Variants in TMEM131 observed in about 807,000 individuals in gnomAD.
TMEM131 encodes transmembrane protein 131, also known as 2610524E03Rik.
TMEM131 carries 66 observed loss-of-function variants against 211.6 expected under a neutral mutation model. That is an observed-to-expected ratio of 0.31 (90% CI 0.26 to 0.38). The LOEUF (loss-of-function observed/expected upper bound fraction) is 0.38, where lower values mean the gene tolerates loss of function less well. TMEM131 is among the 10% of genes least tolerant of loss of function. The probability of loss-of-function intolerance (pLI) is 1.00; values close to 1 mark genes in which losing one functional copy is unlikely to be tolerated. For synonymous variants in TMEM131, 844 were observed against 841.3 expected, an observed-to-expected ratio of 1.00 and a Z score of -0.06; for missense variants, 2,036 against 2,299.3, an observed-to-expected ratio of 0.89 and a Z score of 2.34.
At chr2:97,760,407 C>A in intron 38 of TMEM131, 186 bp downstream of exon 38, 1 of 618,712 alleles carries the variant, frequency 1.6e-6, no homozygotes, top group Admixed American at 2.8e-5. Context: ...CTGGGGAAGG[C>A]ACCGCAGCCG....
rs1006637286 is a variant in TMEM131, at chr2:97,930,003, A to G, written c.188-2516T>C. Among the ~76,000 whole-genome samples, 6 of 151,856 alleles carry G rather than the reference A, an allele frequency of 4.0e-5. 1 individual carries two copies. Among genetic ancestry groups the G allele is most frequent in the African/African-American group, 1.5e-4 (6 of 41,100 alleles). On this transcript the variant is annotated intron_variant, in intron 1 of 40. Coordinates refer to ENST00000186436, the MANE Select transcript of TMEM131 (RefSeq NM_015348.2). Reference sequence around the variant, plus strand: ...ACTATGAATATAAAAGGCTCTGCTCAGCTCACCCATCCCATTCCTCACCTG... The same window carrying G: ...ACTATGAATATAAAAGGCTCTGCTCGGCTCACCCATCCCATTCCTCACCTG...
intron 4 of TMEM131, among the ~76,000 whole-genome samples, chr2:97,874,866 A>G (rs1674628867): frequency 1.3e-5 from 2 of 152,240 alleles, no homozygotes; most frequent in Non-Finnish European, 2.9e-5. Context: ...ATTTACACAT[A>G]ACAATATTAA....
chr2:97,993,684 A>G (rs953063566), intron 1 of TMEM131, among the ~76,000 whole-genome samples: 6 of 152,212 alleles, frequency 3.9e-5, no homozygotes, highest in Non-Finnish European at 8.8e-5. Flanking sequence ...CCTTTAATAC[A>G]TACTTAACAC....
intron 1 of TMEM131, 58 bp from the exon 2 acceptor site, chr2:97,927,545 C>T: frequency 1.5e-6 from 2 of 1,356,700 alleles, no homozygotes; most frequent in East Asian, 2.6e-5. Context: ...ATTTTCATAA[C>T]ATCTTTGACT....
In TMEM131 at chr2:97,888,207, T is replaced by C. The variant is rs536937132; in HGVS notation, c.291-87A>G. The C allele has an allele frequency of 1.7e-5, 19 of 1,120,470 alleles. No homozygotes were observed. In the East Asian group the frequency reaches 4.6e-4, roughly 27 times the overall value. 69.4% of individuals were successfully genotyped at this position (1,120,470 alleles called of 1,614,324 possible). On this transcript the variant is annotated intron_variant, in intron 3 of 40. Transcript: ENST00000186436. Reference sequence around the variant, plus strand: ...CTATTCAGACAGCTGACTTTTGTCATAACAATGCCATTTTAAGAAAAATTG... The same window carrying C: ...CTATTCAGACAGCTGACTTTTGTCACAACAATGCCATTTTAAGAAAAATTG...
At chr2:97,888,146 A>G in intron 3 of TMEM131, 26 bp from the exon 4 acceptor site, 1 of 1,585,432 alleles carries the variant, frequency 6.3e-7, no homozygotes, top group Non-Finnish European at 8.6e-7. Flanking sequence ...AAACAACATA[A>G]GAAGCAATTC....
chr2:97,884,381 G>A (rs925905532), intron 4 of TMEM131, among the ~76,000 whole-genome samples: 7 of 152,164 alleles, frequency 4.6e-5, no homozygotes, highest in African/African-American at 1.4e-4. Context: ...GTTGACGAAA[G>A]AAATGGTATT....
chr2:97,793,972 C>T lies in TMEM131; in HGVS notation c.3387-419G>A, dbSNP rs1392037215. On this transcript the variant is annotated intron_variant, in intron 29 of 40. Coordinates refer to ENST00000186436, the MANE Select transcript of TMEM131 (RefSeq NM_015348.2). ...TCGTGCCACTGCACTCCAGCCTGGG[C>T]AACAGAGCGAGACTCTGTCTCAAAA... 1.0e-4 allele frequency among the ~76,000 whole-genome samples: 10 copies of T among 96,456 alleles called. 1 individual carries two copies. The highest frequency in any genetic ancestry group is 4.2e-4 in the African/African-American group (10 of 24,052). 63.3% of individuals were successfully genotyped at this position (96,456 alleles called of 152,430 possible).
chr2:97,839,312 AAACCAACC>A (rs56114114), intron 7 of TMEM131, among the ~76,000 whole-genome samples: 12,953 of 148,476 alleles, frequency 0.087, 926 homozygotes, highest in African/African-American at 0.19. Flanking sequence ...GGTGTCTGGA[AAACCAACC>A]AACCAACCAA....
chr2:97,818,464 G>A (rs867563533), intron 12 of TMEM131, 149 bp downstream of exon 12: 10 of 272,264 alleles, frequency 3.7e-5, no homozygotes, highest in Admixed American at 1.8e-4. Context: ...GGTTTACAGC[G>A]GGGGGGGGCG....
chr2:97,791,785 G>A (rs1024871615), intron 31 of TMEM131, among the ~76,000 whole-genome samples: 4 of 152,206 alleles, frequency 2.6e-5, no homozygotes, highest in African/African-American at 7.2e-5. Context: ...AATACAGTAA[G>A]CAGAACTCTA....
In TMEM131 at chr2:97,972,411, A is replaced by C. The variant is rs533271843; in HGVS notation, c.187+23065T>G. 1.0e-4 allele frequency among the ~76,000 whole-genome samples: 15 copies of C among 147,298 alleles called. No homozygotes were observed. In the East Asian group the frequency reaches 1.5e-3, roughly 14 times the overall value. On this transcript the variant is annotated intron_variant, in intron 1 of 40. Transcript: ENST00000186436. ...GATCCCCTGTTAAAAAAGAAAGAAA[A>C]GAAAAAGGAAAGAAAGGAAAGAAAG...
At chr2:97,760,254 C>G (rs556224170) in intron 38 of TMEM131, 1 of 312,026 alleles carries the variant, frequency 3.2e-6, no homozygotes, top group African/African-American at 2.1e-5. Context: ...TTCCCCCCTC[C>G]CAAGTCACTT....
chr2:97,941,780 A>G (rs1677742407), intron 1 of TMEM131, among the ~76,000 whole-genome samples: 1 of 152,204 alleles, frequency 6.6e-6, no homozygotes, highest in Non-Finnish European at 1.5e-5. Flanking sequence ...ATGCAATACC[A>G]TCTCACACCA....
intron 33 of TMEM131, among the ~76,000 whole-genome samples, chr2:97,771,854 A>G (rs775939010): frequency 3.3e-5 from 5 of 152,216 alleles, no homozygotes; most frequent in Non-Finnish European, 4.4e-5. Flanking sequence ...TTTTTAAGGT[A>G]AGAATAAACT....
chr2:97,857,888 G>A (rs1470292612), intron 5 of TMEM131, among the ~76,000 whole-genome samples: 1 of 152,120 alleles, frequency 6.6e-6, no homozygotes, highest in Non-Finnish European at 1.5e-5. Flanking sequence ...TTTATAAAAA[G>A]TGTGGAAATA....
At chr2:97,851,173 AT>A (rs1673608649) in intron 5 of TMEM131, among the ~76,000 whole-genome samples, 1 of 151,808 alleles carries the variant, frequency 6.6e-6, no homozygotes, top group Admixed American at 6.6e-5. Flanking sequence ...TGACTCCTAA[AT>A]TTCTATTTCT....
rs918934543 is a variant in TMEM131, at chr2:97,847,078, G to A, written c.484-2817C>T. Among the ~76,000 whole-genome samples, 3 of 111,600 alleles carry A rather than the reference G, an allele frequency of 2.7e-5. 1 individual carries two copies. Among genetic ancestry groups the A allele is most frequent in the Non-Finnish European group, 2.2e-5 (1 of 46,124 alleles). The allele number at this position is 111,600 out of a possible 152,430, so 73.2% of individuals were successfully genotyped here. ...CCTGTAGTCCCAGCTACTGGGGGGG[G>A]GGGGGGGGGCCGAGGCAGGAGAGTC... On this transcript the variant is annotated intron_variant, in intron 5 of 40. Transcript: ENST00000186436.
chr2:97,828,933 C>T (rs1573424910), intron 11 of TMEM131, among the ~76,000 whole-genome samples: 2 of 152,176 alleles, frequency 1.3e-5, no homozygotes, highest in South Asian at 4.1e-4. Flanking sequence ...GTTTCCTCTA[C>T]GATCGAGGCC....
Sources: gnomAD v4.1 joint callset for allele counts (sites outside exome capture counted in the v4.1 genomes callset) on GRCh38, gnomAD v4.1.1 for gene constraint, MANE v1.5 for transcripts, NCBI Gene and HGNC (gene_info 2026-07-23, HGNC 2026-07-21) for gene names.